Variants in ELOF1 observed in about 807,000 individuals in gnomAD.
The protein encoded by ELOF1 is elongation factor 1.
ELOF1 carries 4 observed loss-of-function variants against 7.1 expected under a neutral mutation model. The observed-to-expected ratio is 0.56, with a 90% CI of 0.28 to 1.29. ELOF1 has a LOEUF of 1.29. Ranked by LOEUF, ELOF1 falls within the 50% of genes most tolerant of loss-of-function variation. The pLI is 0.10. For synonymous variants in ELOF1, 31 were observed against 31.9 expected (o/e 0.97, Z 0.09); for missense variants, 59 against 86.3 (o/e 0.68, Z 1.25).
At chr19:11,554,445 A>G in intron 1 of ELOF1, 80 bp from the exon 2 acceptor site, 2 of 1,544,848 alleles carry the variant, frequency 1.3e-6, no homozygotes, top group South Asian at 2.5e-5. Context: ...CAGGCCGGAA[A>G]GAGGGTCTGG....
chr19:11,557,321 C>T (rs1392324270), intron 1 of ELOF1, among the ~76,000 whole-genome samples: 1 of 152,168 alleles, frequency 6.6e-6, no homozygotes, highest in African/African-American at 2.4e-5. Context: ...TTGGGCCAGG[C>T]GCTGTGGCTC....
At position 11,553,582 on chromosome 19, in the gene ELOF1, T is replaced by TACACACACAC. The variant is rs57015096; in HGVS notation, c.187+419_187+428dup. 1,271 of 605,900 alleles carry TACACACACAC rather than the reference T, an allele frequency of 2.1e-3. 10 individuals carry two copies. Among genetic ancestry groups the TACACACACAC allele is most frequent in the East Asian group, 8.7e-3 (298 of 34,118 alleles). The allele number at this position is 605,900 out of a possible 1,614,324, so 37.5% of individuals were successfully genotyped here. On this transcript the variant is annotated intron_variant, in intron 3 of 3. Transcript: ENST00000586683. ...CACCCACACCCACACGCACACCCAC[T>TACACACACAC]ACACACACACACACACACACACACA...
chr19:11,556,619 G>A (rs1972838964), intron 1 of ELOF1, among the ~76,000 whole-genome samples: 2 of 152,152 alleles, frequency 1.3e-5, no homozygotes, highest in Non-Finnish European at 1.5e-5. Context: ...ACTCTTAACT[G>A]TGATGCTTCC....
intron 1 of ELOF1, among the ~76,000 whole-genome samples, chr19:11,557,292 A>G (rs535106714): frequency 6.6e-6 from 1 of 152,206 alleles, no homozygotes; most frequent in African/African-American, 2.4e-5. Flanking sequence ...ACTTGCTCCA[A>G]TGAAGAGAGC....
In ELOF1 at chr19:11,554,206, G is replaced by T. The variant is rs1246325765; in HGVS notation, c.116+26C>A. On this transcript the variant is annotated intron_variant, in intron 2 of 3. Transcript: ENST00000586683. ...CGGGGAAGAGGCAGTGGGGAGGCTG[G>T]ATCCCTTGCCCTGTTCCCCACTCAC... 3 of 1,613,068 alleles carry T rather than the reference G, an allele frequency of 1.9e-6. No homozygotes were observed. The South Asian group carries it at 3.3e-5, about 18-fold the overall frequency.
At chr19:11,554,647 CAG>C (rs1972801629) in intron 1 of ELOF1, 1 of 470,454 alleles carries the variant, frequency 2.1e-6, no homozygotes, top group Non-Finnish European at 3.7e-6. Flanking sequence ...GTCTATAAAA[CAG>C]AGACAAGGCC....
intron 1 of ELOF1, chr19:11,555,174 C>A: frequency 3.9e-6 from 1 of 257,640 alleles, no homozygotes; most frequent in Non-Finnish European, 8.1e-6. Flanking sequence ...GGAGACTCAC[C>A]TGAACCCAAG....
At chr19:11,557,245 G>C (rs567686797) in intron 1 of ELOF1, among the ~76,000 whole-genome samples, 1 of 152,210 alleles carries the variant, frequency 6.6e-6, no homozygotes, top group East Asian at 1.9e-4. Flanking sequence ...CTCACTGGTG[G>C]CTCCTGCTAG....
intron 3 of ELOF1, 34 bp from the exon 4 acceptor site, chr19:11,553,844 T>C: frequency 6.2e-7 from 1 of 1,613,864 alleles, no homozygotes; most frequent in Non-Finnish European, 8.5e-7. Flanking sequence ...ATCATTGGCA[T>C]TGGAACCCTG....
Position 11,553,909 on chromosome 19 carries a change from G to A in ELOF1, c.187+102C>T, listed in dbSNP as rs1972782475. ...CTAGGTGGCACCTGTTCCTCTGGAC[G>A]GCTTTGGCCCTGCACCAGGGCACAC... On this transcript the variant is annotated intron_variant, in intron 3 of 3. Coordinates refer to ENST00000586683, the Ensembl canonical transcript of ELOF1. 15 of 1,609,286 alleles carry A rather than the reference G, an allele frequency of 9.3e-6. No homozygotes were observed. In the East Asian group the frequency reaches 2.2e-4, roughly 24 times the overall value.
intron 3 of ELOF1, chr19:11,553,673 T>C: frequency 6.3e-7 from 1 of 1,586,234 alleles, no homozygotes; most frequent in Non-Finnish European, 8.6e-7. Flanking sequence ...ACCCCTGGAA[T>C]GTCTCTGGAC....
chr19:11,554,074 C>G, exon 3 of ELOF1: 1 of 1,614,198 alleles, frequency 6.2e-7, no homozygotes, highest in Non-Finnish European at 8.5e-7. Context: ...GTGTTGCGGG[C>G]ACGGTCCCTG....
At position 11,553,426 on chromosome 19, in the gene ELOF1, AG is replaced by A. The variant is rs537913015; in HGVS notation, c.188-372del. On this transcript the variant is annotated intron_variant, in intron 3 of 3. Transcript: ENST00000586683. ...CCAGGGGCTGCAGGGAACACAGCAA[AG>A]GCTTTCGGAGCCAAGTGAGATCAGT... 1.7e-3 allele frequency: 889 copies of A among 509,786 alleles called. 2 individuals are homozygous for A. Among genetic ancestry groups the A allele is most frequent in the Middle Eastern group, 8.8e-3 (17 of 1,926 alleles). The allele number at this position is 509,786 out of a possible 1,614,324, so 31.6% of individuals were successfully genotyped here.
chr19:11,555,256 CAAAAAA>C, intron 1 of ELOF1: 38 of 86,932 alleles, frequency 4.4e-4, no homozygotes, highest in South Asian at 3.2e-3. Flanking sequence ...GACTCCGTCT[CAAAAAA>C]AAAAAAAAAA....
At chr19:11,554,496 G>A (rs1568421522) in intron 1 of ELOF1, 131 bp from the exon 2 acceptor site, 21 of 1,288,068 alleles carry the variant, frequency 1.6e-5, no homozygotes, top group East Asian at 5.0e-5. Flanking sequence ...CTTGAGGGAC[G>A]AGGCCCTCAG....
chr19:11,557,222 C>G (rs1174122346), intron 1 of ELOF1, among the ~76,000 whole-genome samples: 1 of 152,156 alleles, frequency 6.6e-6, no homozygotes, highest in Non-Finnish European at 1.5e-5. Flanking sequence ...GCCATGTGCT[C>G]CCTGTCCTCT....
At chr19:11,554,136 G>A in intron 2 of ELOF1, 55 bp from the exon 3 acceptor site, 2 of 1,614,006 alleles carry the variant, frequency 1.2e-6, no homozygotes, top group South Asian at 1.1e-5. Context: ...GCCTGTGGGT[G>A]ATGACGCCTT....
intron 1 of ELOF1, 147 bp from the exon 2 acceptor site, chr19:11,554,512 ATGC>A: frequency 6.1e-6 from 7 of 1,152,200 alleles, no homozygotes; most frequent in Non-Finnish European, 8.4e-6. Context: ...CTCAGTCCTG[ATGC>A]AGGAGGACAA....
intron 3 of ELOF1, chr19:11,553,774 A>G (rs1187443726): frequency 1.2e-6 from 2 of 1,614,114 alleles, no homozygotes; most frequent in East Asian, 2.2e-5. Flanking sequence ...GCAGGCGTCT[A>G]TCCAATCACT....
Sources: allele counts gnomAD v4.1 joint callset (sites outside exome capture counted in the v4.1 genomes callset), GRCh38; gene constraint gnomAD v4.1.1; transcripts MANE v1.5; gene names NCBI Gene and HGNC (gene_info 2026-07-23, HGNC 2026-07-21).